ITGB3: variants seen among roughly 807,000 people sequenced by gnomAD.
The protein encoded by ITGB3 is integrin beta-3.
A neutral mutation model predicts 85.8 loss-of-function variants in ITGB3; 48 were observed. The observed-to-expected ratio is 0.56, with a 90% confidence interval of 0.44 to 0.71. ITGB3 has a LOEUF of 0.71. ITGB3 is among the 30% of genes least tolerant of loss of function. ITGB3 has a pLI of 0.00. For synonymous variants in ITGB3, 363 were observed against 395.6 expected, an observed-to-expected ratio of 0.92 and a Z score of 0.98; for missense variants, 861 against 1,019.1, an observed-to-expected ratio of 0.84 and a Z score of 2.11.
chr17:47,283,219 A>G, intron 2 of ITGB3, 135 bp from the exon 3 acceptor site: 1 of 890,122 alleles, frequency 1.1e-6, no homozygotes. Context: ...TATCCCAGGA[A>G]AGACCACAAC....
chr17:47,293,361 G>T (rs147946387), intron 10 of ITGB3, among the ~76,000 whole-genome samples: 15 of 152,238 alleles, frequency 9.9e-5, no homozygotes, highest in Non-Finnish European at 1.8e-4. Flanking sequence ...GCTAGAAGTT[G>T]AACTAATGTT....
chr17:47,307,453 T>C lies in ITGB3; in HGVS notation c.2135-18T>C, dbSNP rs1480622411. ...TGCTTCATTCACAACCGCCCTGCTC[T>C]GTGCTTCTTCCTCACAGAGTGTCCC... is the stretch of plus-strand genomic sequence containing the variant. On this transcript the variant is annotated intron_variant, in intron 13 of 14. Coordinates refer to ENST00000559488, the MANE Select transcript of ITGB3 (RefSeq NM_000212.3). 6.2e-7 allele frequency: 1 copy of C among 1,613,572 alleles called. No individual in the cohort carries two copies. Among genetic ancestry groups the C allele is most frequent in the African/African-American group, 1.3e-5 (1 of 75,034 alleles).
At position 47,302,788 on chromosome 17, in the gene ITGB3, G is replaced by A; in HGVS notation, c.2082G>A (p.Gln694=). ...KNEDDCVVRF[Q]YYEDSSGKSI... The stretch of plus-strand genomic sequence containing the variant: ...AGGATGACTGTGTCGTCAGATTCCA[G>A]TACTATGAAGATTCTAGTGGAAAGT... The change falls in exon 13 of 15, where the codon CAG becomes CAA. Residue 694 remains glutamine, a synonymous_variant. Coordinates refer to ENST00000559488, the MANE Select transcript of ITGB3 (RefSeq NM_000212.3). The A allele has an allele frequency of 6.2e-7, 1 of 1,614,082 alleles. No individual in the cohort carries two copies. The highest frequency in any genetic ancestry group is 8.5e-7 in the Non-Finnish European group (1 of 1,179,940).
chr17:47,272,926 A>G (rs1253357919), intron 1 of ITGB3, among the ~76,000 whole-genome samples: 2 of 151,984 alleles, frequency 1.3e-5, no homozygotes, highest in Non-Finnish European at 1.5e-5. Context: ...GGAGTGCACC[A>G]CCACGCCCGG....
chr17:47,312,473 C>T lies in ITGB3; in HGVS notation c.*2269C>T. Reference sequence around the variant, plus strand: ...TAGTGGCAGGGAACAGGTGTGGAAGCTCATGCCTGTAATTATAACCTTCAG... The same window carrying T: ...TAGTGGCAGGGAACAGGTGTGGAAGTTCATGCCTGTAATTATAACCTTCAG... On this transcript the variant is annotated 3_prime_UTR_variant, in exon 15 of 15. Coordinates refer to ENST00000559488, the MANE Select transcript of ITGB3 (RefSeq NM_000212.3). 6.6e-6 allele frequency among the ~76,000 whole-genome samples: 1 copy of T among 152,174 alleles called. No homozygotes were observed. Among genetic ancestry groups the T allele is most frequent in the Non-Finnish European group, 1.5e-5 (1 of 68,038 alleles).
chr17:47,293,906 A>G (rs1396724307), intron 10 of ITGB3, among the ~76,000 whole-genome samples: 1 of 152,202 alleles, frequency 6.6e-6, no homozygotes, highest in Admixed American at 6.5e-5. Context: ...GCGCCCAGCC[A>G]GCATTGGGGC....
intron 1 of ITGB3, among the ~76,000 whole-genome samples, chr17:47,270,896 G>T (rs1681978343): frequency 6.6e-6 from 1 of 152,190 alleles, no homozygotes; most frequent in African/African-American, 2.4e-5. Flanking sequence ...AGGAATTGTT[G>T]TAGCCCATTT....
chr17:47,261,519 CTT>C (rs71365061), intron 1 of ITGB3, among the ~76,000 whole-genome samples: 29,445 of 126,970 alleles, frequency 0.23, 2,543 homozygotes, highest in East Asian at 0.43. Context: ...GGATCATTGT[CTT>C]TTTTTTTTTT....
chr17:47,286,168 C>CT (rs2065101707), intron 4 of ITGB3, 92 bp from the exon 5 acceptor site: 1 of 1,427,436 alleles, frequency 7.0e-7, no homozygotes, highest in Non-Finnish European at 9.8e-7. Flanking sequence ...TGGCATACCA[C>CT]TATCTATATT....
Position 47,299,428 on chromosome 17 carries a change from G to A in ITGB3, c.1811G>A (p.Arg604His), listed in dbSNP as rs746116209. 11 of 1,614,132 alleles carry A rather than the reference G, an allele frequency of 6.8e-6. No individual in the cohort carries two copies. The highest frequency in any genetic ancestry group is 1.7e-5 in the Admixed American group (1 of 60,012). The change falls in exon 11 of 15, where the codon CGC becomes CAC. Residue 604 changes from arginine (R) to histidine (H), a missense_variant. Transcript: ENST00000559488. The surrounding 1 kb of genome is among the most constrained non-coding windows in gnomAD (Gnocchi z 5.1). ...AGCAATGGGCTGCTGTGCAGCGGCC[G>A]CGGCAAGTGTGAATGTGGCAGCTGT... Reference protein sequence around the residue: ...MSSNGLLCSGRGKCECGSCVC... With the variant: ...MSSNGLLCSGHGKCECGSCVC...
At position 47,311,747 on chromosome 17, in the gene ITGB3, AT is replaced by A; in HGVS notation, c.*1544del. 6.6e-6 allele frequency: 1 copy of A among 152,358 alleles called. No homozygotes were observed. Among genetic ancestry groups the A allele is most frequent in the South Asian group, 2.1e-4 (1 of 4,834 alleles). The allele number at this position is 152,358 out of a possible 1,614,324, so 9.4% of individuals were successfully genotyped here. ...AGTGGCTCCATTGGTGTTGACATACATCCAACATTAAAAGCCACCCCCAAAT... is the reference window on the plus strand; with the variant it reads ...AGTGGCTCCATTGGTGTTGACATACACCAACATTAAAAGCCACCCCCAAAT... On this transcript the variant is annotated 3_prime_UTR_variant, in exon 15 of 15. Transcript: ENST00000559488.
At chr17:47,269,647 A>G (rs767514892) in intron 1 of ITGB3, among the ~76,000 whole-genome samples, 27 of 152,158 alleles carry the variant, frequency 1.8e-4, no homozygotes, top group African/African-American at 6.0e-4. Context: ...GGAAGTTCCA[A>G]ACTTTACCAC....
At position 47,290,876 on chromosome 17, in the gene ITGB3, TG is replaced by T. The variant is rs2065122563; in HGVS notation, c.1126-75del. 2.6e-6 allele frequency: 4 copies of T among 1,564,510 alleles called. No homozygotes were observed. The South Asian group carries it at 3.3e-5, about 13-fold the overall frequency. On this transcript the variant is annotated intron_variant, in intron 8 of 14. Coordinates refer to ENST00000559488, the MANE Select transcript of ITGB3 (RefSeq NM_000212.3). ...CCAGAGCTACTTGCCAGATTTGGCT[TG>T]GGATGGAACTGGCTCTTGCCATTTC...
At chr17:47,294,705 C>T (rs754644877) in intron 10 of ITGB3, among the ~76,000 whole-genome samples, 24 of 152,224 alleles carry the variant, frequency 1.6e-4, no homozygotes, top group Non-Finnish European at 3.4e-4. Context: ...TGAGCACTTG[C>T]TCTGTGCCAT....
At chr17:47,302,470 T>C (rs2078989015) in intron 12 of ITGB3, among the ~76,000 whole-genome samples, 1 of 152,180 alleles carries the variant, frequency 6.6e-6, no homozygotes, top group Non-Finnish European at 1.5e-5. Context: ...TGTGTAATAC[T>C]GTTATATCAT....
chr17:47,284,330 G>A (rs2065094710), intron 3 of ITGB3, 113 bp from the exon 4 acceptor site: 1 of 1,227,156 alleles, frequency 8.1e-7, no homozygotes. Context: ...AAGGGACCAG[G>A]GCTTTCTGGT....
chr17:47,254,000 G>C (rs2064977992), intron 1 of ITGB3, 60 bp downstream of exon 1: 1 of 1,141,920 alleles, frequency 8.8e-7, no homozygotes, highest in East Asian at 3.3e-5. Flanking sequence ...CCCCGGTCAA[G>C]TTGCGGACTT....
chr17:47,263,578 C>T (rs2065016061), intron 1 of ITGB3, among the ~76,000 whole-genome samples: 1 of 151,448 alleles, frequency 6.6e-6, no homozygotes, highest in Admixed American at 6.6e-5. Flanking sequence ...CAAACTCCGC[C>T]TCCCATGTTC....
intron 5 of ITGB3, 64 bp from the exon 6 acceptor site, chr17:47,287,006 T>C (rs1414328019): frequency 1.3e-6 from 2 of 1,561,594 alleles, no homozygotes; most frequent in Middle Eastern, 1.8e-4. Context: ...CTCTGTTCTC[T>C]ACCAGTGACA....
Sources: allele counts gnomAD v4.1 joint callset (sites outside exome capture counted in the v4.1 genomes callset), GRCh38; gene constraint gnomAD v4.1.1; non-coding constraint Gnocchi (gnomAD v3.1); transcripts MANE v1.5; gene names NCBI Gene and HGNC (gene_info 2026-07-23, HGNC 2026-07-21).